Variants in CHTF18 observed in about 807,000 individuals in gnomAD.
CHTF18 encodes chromosome transmission fidelity factor 18, also known as chromosome transmission fidelity protein 18 homolog.
CHTF18 carries 151 observed loss-of-function variants against 113.4 expected under a neutral mutation model. The ratio of observed to expected loss-of-function variants is 1.33; its 90% CI spans 1.17 to 1.52. The LOEUF is 1.52. CHTF18 is among the 40% of genes most tolerant of loss of function. CHTF18 has a pLI of 0.00. For synonymous variants in CHTF18, 916 were observed against 598.8 expected (o/e 1.53, Z -7.74); for missense variants, 1,982 against 1,381.6 (o/e 1.43, Z -6.89).
At position 789,043 on chromosome 16, in the gene CHTF18, C is replaced by T. The variant is rs763194307; in HGVS notation, c.204C>T (p.Ala68=). ...ACGCGGCCTCCAGTCCCGCCCCAGC[C>T]GCATCTGTGGGCAGCAGCCAGGGCG... ...RGDAASSPAP[A]ASVGSSQGGA... Residue 68 remains alanine (A), a synonymous_variant, in exon 2 of 22, where the codon GCC becomes GCT. Transcript: ENST00000262315. The T allele has an allele frequency of 2.6e-6, 4 of 1,539,222 alleles. No individual in the cohort carries two copies. Among genetic ancestry groups the T allele is most frequent in the Non-Finnish European group, 8.8e-7 (1 of 1,142,794 alleles).
chr16:793,766 G>C, intron 14 of CHTF18: 1 of 669,148 alleles, frequency 1.5e-6, no homozygotes, highest in East Asian at 2.8e-5. Context: ...GGGATGTGCT[G>C]CTCCTGGCCT....
intron 8 of CHTF18, 97 bp from the exon 9 acceptor site, chr16:791,754 C>A (rs527623513): frequency 2.0e-5 from 29 of 1,486,676 alleles, no homozygotes; most frequent in Non-Finnish European, 2.6e-5. Flanking sequence ...GGAGGGAGCG[C>A]CCAGCCTGTG....
At position 794,100 on chromosome 16, in the gene CHTF18, C is replaced by CGG; in HGVS notation, c.1849_1850insGG (p.Leu617ArgfsTer115). ...CGCCCTGCCTGCTGACACACTCCTG[C>CGG]TGGGTGACGGGGACGCGGGCTCCCT... On this transcript the variant is annotated frameshift_variant, in exon 15 of 22. Coordinates refer to ENST00000262315, the MANE Select transcript of CHTF18 (RefSeq NM_022092.3). LOFTEE classifies it high-confidence loss of function. The CGG allele has an allele frequency of 6.2e-7, 1 of 1,612,300 alleles. No individual in the cohort carries two copies. Among genetic ancestry groups the CGG allele is most frequent in the Non-Finnish European group, 8.5e-7 (1 of 1,179,738 alleles).
chr16:794,065 G>A lies in CHTF18; in HGVS notation c.1814G>A (p.Gly605Asp), dbSNP rs1365476784. 3.1e-6 allele frequency: 5 copies of A among 1,611,202 alleles called. No homozygotes were observed. The highest frequency in any genetic ancestry group is 2.2e-5 in the East Asian group (1 of 44,848). Residue 605 changes from glycine (G) to aspartate (D), a missense_variant, in exon 15 of 22, where the codon GGC becomes GAC. Transcript: ENST00000262315. ...CACCCCACCTGCAGGCGCCGTGTGG[G>A]CCAGGACCCCGCCCTGCCTGCTGAC... ...QLPRAQRRRV[G>D]QDPALPADTL...
In CHTF18 at chr16:796,608, C is replaced by T. The variant is rs1169955999; in HGVS notation, c.2457-109C>T. 23 of 1,316,618 alleles carry T rather than the reference C, an allele frequency of 1.7e-5. No individual in the cohort carries two copies. The South Asian group carries it at 2.5e-4, about 14-fold the overall frequency. The allele number at this position is 1,316,618 out of a possible 1,614,324, so 81.6% of individuals were successfully genotyped here. ...TGGCACCAGGACTCAGCCCCACATT[C>T]CTGCTCTGGCCTTGTGGCTTTTGGG... is the stretch of plus-strand genomic sequence containing the variant. On this transcript the variant is annotated intron_variant, in intron 18 of 21. Coordinates refer to ENST00000262315, the MANE Select transcript of CHTF18 (RefSeq NM_022092.3).
chr16:790,854 G>T (rs1339110505), intron 7 of CHTF18, 188 bp downstream of exon 7: 6 of 1,430,918 alleles, frequency 4.2e-6, no homozygotes, highest in Non-Finnish European at 5.5e-6. Flanking sequence ...CCTGTGACCT[G>T]TGAGGCAGGC....
chr16:797,803 G>T, intron 21 of CHTF18, 36 bp from the exon 22 acceptor site: 2 of 1,577,744 alleles, frequency 1.3e-6, no homozygotes. Context: ...TTGTGGGGGG[G>T]CCTTACAGCT....
At chr16:796,894 G>C in intron 19 of CHTF18, 33 bp downstream of exon 19, 2 of 1,568,334 alleles carry the variant, frequency 1.3e-6, no homozygotes, top group Non-Finnish European at 1.7e-6. Flanking sequence ...GCAGGTTGCA[G>C]TCTGGGCGTG....
chr16:789,927 G>A (rs2042131748), intron 4 of CHTF18: 4 of 1,489,260 alleles, frequency 2.7e-6, no homozygotes, highest in African/African-American at 1.4e-5. Context: ...GGCCTCGGGT[G>A]GAGAGGGCCT....
chr16:793,995 G>A (rs2042270520), intron 14 of CHTF18, 59 bp from the exon 15 acceptor site: 10 of 1,530,670 alleles, frequency 6.5e-6, no homozygotes, highest in African/African-American at 4.1e-5. Context: ...CCGGGGAGAC[G>A]GGTGGGGCTG....
rs779445405 is a variant in CHTF18, at chr16:789,014, G to A, written c.175G>A (p.Gly59Arg). 3 of 1,545,090 alleles carry A rather than the reference G, an allele frequency of 1.9e-6. No homozygotes were observed. Among genetic ancestry groups the A allele is most frequent in the South Asian group, 1.2e-5 (1 of 84,590 alleles). The change falls in exon 2 of 22, where the codon GGG (glycine) becomes AGG (arginine). Residue 59 changes from glycine (G) to arginine (R), a missense_variant. By Grantham distance (125) the Gly-to-Arg change is moderately radical. Coordinates refer to ENST00000262315, the MANE Select transcript of CHTF18 (RefSeq NM_022092.3). ...PRTFEEALAR[G>R]DAASSPAPAA... is the part of the protein sequence containing the mutation. ...GACGTTCGAGGAGGCCCTTGCCAGAGGGGACGCGGCCTCCAGTCCCGCCCC... is the reference window on the plus strand; with the variant it reads ...GACGTTCGAGGAGGCCCTTGCCAGAAGGGACGCGGCCTCCAGTCCCGCCCC...
At position 789,907 on chromosome 16, in the gene CHTF18, C is replaced by T. The variant is rs187315598; in HGVS notation, c.606+192C>T. 173 of 1,437,432 alleles carry T rather than the reference C, an allele frequency of 1.2e-4. 1 individual carries two copies. The African/African-American group carries it at 1.9e-3, about 16-fold the overall frequency. 89.0% of individuals were successfully genotyped at this position (1,437,432 alleles called of 1,614,324 possible). ...TCCCCACAGCAGGTTGCTGTCCAGC[C>T]TGTTTGTATGGCCTCGGGTGGAGAG... is the stretch of plus-strand genomic sequence containing the variant. On this transcript the variant is annotated intron_variant, in intron 4 of 21. Transcript: ENST00000262315.
chr16:793,933 C>A, intron 14 of CHTF18, 121 bp from the exon 15 acceptor site: 2 of 1,147,634 alleles, frequency 1.7e-6, no homozygotes, highest in Admixed American at 2.2e-5. Context: ...CAGCAAGGGC[C>A]CTGCTGAGAA....
intron 16 of CHTF18, 37 bp downstream of exon 16, chr16:795,393 C>A (rs1195015572): frequency 1.3e-6 from 2 of 1,504,682 alleles, no homozygotes; most frequent in African/African-American, 1.4e-5. Context: ...CCCCCGGCCC[C>A]GTGCCCGCCC....
chr16:790,403 A>G lies in CHTF18; in HGVS notation c.752+4A>G, dbSNP rs757603349. On this transcript the variant is annotated splice_donor_region_variant and intron_variant, in intron 6 of 21. Transcript: ENST00000262315. ...AGCTTTCAGACACCCTGCACAGGTG[A>G]CTTGGTTGGCCCTTCCGCCCTGGGG... The G allele has an allele frequency of 6.8e-6, 11 of 1,612,390 alleles. No individual in the cohort carries two copies. The African/African-American group carries it at 1.3e-4, about 20-fold the overall frequency.
At position 796,014 on chromosome 16, in the gene CHTF18, C is replaced by T. The variant is rs199902780; in HGVS notation, c.2393C>T (p.Ala798Val). 3 of 1,607,200 alleles carry T rather than the reference C, an allele frequency of 1.9e-6. No homozygotes were observed. Among genetic ancestry groups the T allele is most frequent in the East Asian group, 4.5e-5 (2 of 44,564 alleles). Residue 798 changes from alanine to valine, a missense_variant, in exon 18 of 22, where the codon GCT becomes GTT. Transcript: ENST00000262315. The stretch of plus-strand genomic sequence containing the variant: ...GCCAGCCTGGTGGGCACGATGCTCG[C>T]TTACAGCCTGACCTACCGCCAGGAG... ...QLASLVGTML[A>V]YSLTYRQERT...
rs757003182 is a variant in CHTF18, at chr16:791,868, GC to G, written c.1127del (p.Pro376ArgfsTer11). The G allele has an allele frequency of 7.5e-6, 12 of 1,606,724 alleles. No individual in the cohort carries two copies. The highest frequency in any genetic ancestry group is 1.0e-5 in the Non-Finnish European group (12 of 1,177,590). On this transcript the variant is annotated frameshift_variant, in exon 9 of 22. Coordinates refer to ENST00000262315, the MANE Select transcript of CHTF18 (RefSeq NM_022092.3). LOFTEE classifies it high-confidence loss of function. ...PKQKVALLCG[P>X]PGLGKTTLAH... ...GGCTGCAGGTGGCACTGCTCTGTGGGCCCCCGGGGCTGGGGAAGACCACCCT... is the reference window on the plus strand; with the variant it reads ...GGCTGCAGGTGGCACTGCTCTGTGGGCCCCGGGGCTGGGGAAGACCACCCT...
chr16:797,607 C>A, intron 20 of CHTF18, 87 bp from the exon 21 acceptor site: 2 of 1,464,356 alleles, frequency 1.4e-6, no homozygotes, highest in Non-Finnish European at 1.9e-6. Context: ...TCCCTCCTCC[C>A]TGGGAAGGCT....
Position 792,992 on chromosome 16 carries a change from C to T in CHTF18, c.1599C>T (p.Ala533=), listed in dbSNP as rs564876161. The stretch of plus-strand genomic sequence containing the variant: ...TCTCCCTGCGGCAGGGCATGAGGGC[C>T]GACCCAGGGGTGCTGGCCGCCCTCT... The part of the protein sequence containing the change: ...QEVSLRQGMR[A]DPGVLAALCE... The change falls in exon 13 of 22, where the codon GCC becomes GCT. Residue 533 remains alanine, a synonymous_variant. Transcript: ENST00000262315. 3.2e-4 allele frequency: 498 copies of T among 1,562,188 alleles called. No individual in the cohort carries two copies. The highest frequency in any genetic ancestry group is 3.9e-4 in the Non-Finnish European group (446 of 1,154,140).
Sources: allele counts gnomAD v4.1 joint callset, GRCh38; gene constraint gnomAD v4.1.1; transcripts MANE v1.5; gene names NCBI Gene and HGNC (gene_info 2026-07-23, HGNC 2026-07-21).